Variants in PGPEP1 observed in about 807,000 individuals in gnomAD.
PGPEP1 encodes the protein pyroglutamyl-peptidase I.
PGPEP1 carries 15 observed loss-of-function variants against 24.1 expected under a neutral mutation model. The observed-to-expected ratio is 0.62, with a 90% CI of 0.42 to 0.96. PGPEP1 has a LOEUF of 0.96. Ranked by LOEUF, PGPEP1 falls within the 40% of genes least tolerant of loss-of-function variation. PGPEP1 has a pLI of 0.00. For missense variants in PGPEP1, 242 were observed against 273.4 expected, an observed-to-expected ratio of 0.89 and a Z score of 0.81; for synonymous variants, 122 against 116.4, an observed-to-expected ratio of 1.05 and a Z score of -0.31.
intron 4 of PGPEP1, among the ~76,000 whole-genome samples, chr19:18,359,316 T>C (rs1971277207): frequency 6.6e-6 from 1 of 151,872 alleles, no homozygotes; most frequent in Admixed American, 6.6e-5. Context: ...AGAATAAAAT[T>C]CCAACCCTGG....
rs71336674 is a variant in PGPEP1, at chr19:18,347,270, C to CTTTCTTT, written c.87+4362_87+4363insCTTTTTT. Among the ~76,000 whole-genome samples the CTTTCTTT allele has an allele frequency of 5.1e-4, 48 of 94,414 alleles. 1 individual carries two copies. The East Asian group carries it at 0.011, about 22-fold the overall frequency. 61.9% of individuals were successfully genotyped at this position (94,414 alleles called of 152,430 possible). The stretch of plus-strand genomic sequence containing the variant: ...CTAATTTTTTTTTCTTTCTTTCTTT[C>CTTTCTTT]TTTTTTTTTTTTTTTTTTGTAGAGA... On this transcript the variant is annotated intron_variant, in intron 2 of 4. Coordinates refer to ENST00000269919, the MANE Select transcript of PGPEP1 (RefSeq NM_017712.4).
intron 2 of PGPEP1, among the ~76,000 whole-genome samples, chr19:18,345,742 A>AG (rs1337066643): frequency 3.0e-4 from 45 of 150,912 alleles, no homozygotes; most frequent in African/African-American, 1.1e-3. Flanking sequence ...AAAAAAAAAA[A>AG]AAAGAAAAGA....
Position 18,366,281 on chromosome 19 carries a change from C to T in PGPEP1, c.*2698C>T, listed in dbSNP as rs1441892945. 6.6e-6 allele frequency: 1 copy of T among 152,146 alleles called. No individual in the cohort carries two copies. Among genetic ancestry groups the T allele is most frequent in the Non-Finnish European group, 1.5e-5 (1 of 68,064 alleles). The allele number at this position is 152,146 out of a possible 1,614,324, so 9.4% of individuals were successfully genotyped here. A position where few individuals can be genotyped will look rare whatever the true frequency, so the allele number is the denominator to read the frequency against. ...CCATCTTTCTTTTGTCTTCATTTCA[C>T]CTCTGTGTTTAAAGCACTGTGTGAC... On this transcript the variant is annotated 3_prime_UTR_variant, in exon 5 of 5. Transcript: ENST00000269919.
intron 2 of PGPEP1, among the ~76,000 whole-genome samples, chr19:18,345,430 C>T (rs938893250): frequency 2.0e-4 from 31 of 151,988 alleles, no homozygotes; most frequent in Non-Finnish European, 4.4e-4. Flanking sequence ...AACATATATA[C>T]ACCCAGAACA....
intron 2 of PGPEP1, among the ~76,000 whole-genome samples, chr19:18,344,547 C>A: frequency 7.7e-6 from 1 of 130,076 alleles, no homozygotes; most frequent in Admixed American, 7.4e-5. Flanking sequence ...TTTTAATCAC[C>A]CCCTCATCCC....
At position 18,356,012 on chromosome 19, in the gene PGPEP1, G is replaced by A; in HGVS notation, c.204+1G>A. 6.3e-7 allele frequency: 1 copy of A among 1,583,842 alleles called. No homozygotes were observed. Reference sequence around the variant, plus strand: ...CCTGTGGGAGAAGCACAGTCCACAGGTGAGTGGTGCCAAGGGGCGGCACTT... The same window carrying A: ...CCTGTGGGAGAAGCACAGTCCACAGATGAGTGGTGCCAAGGGGCGGCACTT... On this transcript the variant is annotated splice_donor_variant, in intron 3 of 4. Transcript: ENST00000269919. LOFTEE classifies it high-confidence loss of function.
rs1970638956 is a variant in PGPEP1 at position 18,340,611 on chromosome 19, G to C, written c.-71G>C. 2.3e-5 allele frequency: 32 copies of C among 1,421,452 alleles called. No individual in the cohort carries two copies. Among genetic ancestry groups the C allele is most frequent in the Non-Finnish European group, 3.0e-5 (32 of 1,063,956 alleles). The allele number at this position is 1,421,452 out of a possible 1,614,324, so 88.1% of individuals were successfully genotyped here. ...CAGGGGCGTGGCCTCGCGCGGCCGA[G>C]AGGCTGCAGCGGCAGCAGCTGTCGC... On this transcript the variant is annotated 5_prime_UTR_variant, in exon 1 of 5. Coordinates refer to ENST00000269919, the MANE Select transcript of PGPEP1 (RefSeq NM_017712.4).
chr19:18,361,370 C>T, intron 4 of PGPEP1, among the ~76,000 whole-genome samples: 1 of 151,962 alleles, frequency 6.6e-6, no homozygotes, highest in Non-Finnish European at 1.5e-5. Flanking sequence ...AACTCCTGAC[C>T]TCAGGTGATC....
rs764120180 is a variant in PGPEP1 at position 18,363,484 on chromosome 19, C to T, written c.531C>T (p.Asn177=). ...VHVPPLGKPY[N]ADQLGRALRA... is the part of the protein sequence containing the mutation. ...TGCCCCCACTGGGGAAGCCGTACAA[C>T]GCGGACCAGCTGGGCAGGGCACTGA... The change falls in exon 5 of 5, where the codon AAC becomes AAT. Residue 177 remains asparagine (N), a synonymous_variant. Coordinates refer to ENST00000269919, the MANE Select transcript of PGPEP1 (RefSeq NM_017712.4). 1.4e-5 allele frequency: 22 copies of T among 1,614,086 alleles called. No homozygotes were observed. In the Middle Eastern group the frequency reaches 4.9e-4, roughly 36 times the overall value.
chr19:18,343,589 A>G (rs1970738245), intron 2 of PGPEP1, among the ~76,000 whole-genome samples: 1 of 151,354 alleles, frequency 6.6e-6, no homozygotes, highest in African/African-American at 2.4e-5. Context: ...CCAGGTGTGG[A>G]TATAAACGTA....
Position 18,357,523 on chromosome 19 carries a change from C to T in PGPEP1, c.345C>T (p.Ser115=), listed in dbSNP as rs1971221236. 1 of 1,613,334 alleles carries T rather than the reference C, an allele frequency of 6.2e-7. No homozygotes were observed. Among genetic ancestry groups the T allele is most frequent in the African/African-American group, 1.3e-5 (1 of 74,910 alleles). ...SQCCVEDGPE[S]IDSIIDMDAV... The stretch of plus-strand genomic sequence containing the variant: ...GCTGCGTGGAGGACGGGCCTGAAAG[C>T]ATTGACTCCATCATCGACATGGATG... Residue 115 remains serine (S), a synonymous_variant, in exon 4 of 5, where the codon AGC becomes AGT. Transcript: ENST00000269919.
Position 18,363,480 on chromosome 19 carries a change from A to G in PGPEP1, c.527A>G (p.Tyr176Cys). ...FVHVPPLGKP[Y>C]NADQLGRALR... ...CACGTGCCCCCACTGGGGAAGCCGT[A>G]CAACGCGGACCAGCTGGGCAGGGCA... Residue 176 changes from tyrosine to cysteine, a missense_variant, in exon 5 of 5, where the codon TAC becomes TGC. Physicochemically the swap from Tyr to Cys is radical, Grantham distance 194. Coordinates refer to ENST00000269919, the MANE Select transcript of PGPEP1 (RefSeq NM_017712.4). 6.2e-7 allele frequency: 1 copy of G among 1,614,216 alleles called. No individual in the cohort carries two copies. The highest frequency in any genetic ancestry group is 8.5e-7 in the Non-Finnish European group (1 of 1,180,028).
chr19:18,349,471 T>G (rs935586133), intron 2 of PGPEP1, among the ~76,000 whole-genome samples: 6 of 152,160 alleles, frequency 3.9e-5, no homozygotes, highest in Non-Finnish European at 8.8e-5. Context: ...CCTATTTTTC[T>G]GAATACAGCT....
intron 3 of PGPEP1, 57 bp from the exon 4 acceptor site, chr19:18,357,326 G>A (rs1971210962): frequency 9.6e-6 from 13 of 1,360,978 alleles, no homozygotes. Flanking sequence ...GCCTCAGGGG[G>A]ACCCCTCTGA....
chr19:18,344,237 G>A (rs1016251991), intron 2 of PGPEP1, among the ~76,000 whole-genome samples: 3 of 152,072 alleles, frequency 2.0e-5, no homozygotes, highest in African/African-American at 2.4e-5. Flanking sequence ...ATTAGGGGCC[G>A]AGGGGGGCTG....
At chr19:18,355,229 A>G (rs972768705) in intron 2 of PGPEP1, among the ~76,000 whole-genome samples, 3 of 151,106 alleles carry the variant, frequency 2.0e-5, no homozygotes, top group African/African-American at 7.3e-5. Flanking sequence ...TCGGCCTCCC[A>G]AAGTGCTGGG....
At chr19:18,344,206 T>C (rs2144528148) in intron 2 of PGPEP1, among the ~76,000 whole-genome samples, 1 of 151,906 alleles carries the variant, frequency 6.6e-6, no homozygotes. Context: ...TCCTCGCAGC[T>C]GGGGGAGGAA....
At chr19:18,360,506 A>G (rs1971314503) in intron 4 of PGPEP1, among the ~76,000 whole-genome samples, 1 of 150,166 alleles carries the variant, frequency 6.7e-6, no homozygotes, top group Non-Finnish European at 1.5e-5. Flanking sequence ...AACCCAGCTA[A>G]TTTATTTTTT....
At chr19:18,354,743 C>G (rs1215868878) in intron 2 of PGPEP1, among the ~76,000 whole-genome samples, 1 of 151,988 alleles carries the variant, frequency 6.6e-6, no homozygotes, top group East Asian at 1.9e-4. Context: ...GTCTCAAACT[C>G]CTGGGTTCAA....
Sources: allele counts gnomAD v4.1 joint callset (sites outside exome capture counted in the v4.1 genomes callset), GRCh38; gene constraint gnomAD v4.1.1; transcripts MANE v1.5; gene names NCBI Gene and HGNC (gene_info 2026-07-23, HGNC 2026-07-21).